KDM4C: variants seen among roughly 807,000 people sequenced by gnomAD.
The protein encoded by KDM4C is lysine-specific demethylase 4C.
Under a neutral mutation model 129.3 loss-of-function variants are expected in KDM4C, and 81 were observed. The observed-to-expected ratio is 0.63, with a 90% CI of 0.52 to 0.75. KDM4C has a LOEUF of 0.75. Ranked by LOEUF, KDM4C falls within the 30% of genes least tolerant of loss-of-function variation. KDM4C has a pLI of 0.00. For synonymous variants in KDM4C, 573 were observed against 456.1 expected (o/e 1.26, Z -3.26); for missense variants, 1,457 against 1,304.0 (o/e 1.12, Z -1.81).
Position 6,758,288 on chromosome 9 carries a change from C to CACGGGGGT in KDM4C, c.-18+86_-18+93dup, listed in dbSNP as rs1247467875. On this transcript the variant is annotated intron_variant, in intron 1 of 21. Coordinates refer to ENST00000381309, the MANE Select transcript of KDM4C (RefSeq NM_015061.6). This position sits in a 1 kb window ranked among gnomAD's most constrained non-coding sequence, Gnocchi z 4.6. ...CGGCACTGCCCCCCTCCGCGTGGGG[C>CACGGGGGT]ACGGGGGTGCGGGCGTCCGGGCGAG... 6.9e-4 allele frequency: 580 copies of CACGGGGGT among 836,656 alleles called. 4 individuals are homozygous for CACGGGGGT. In the African/African-American group the frequency reaches 0.01, roughly 15 times the overall value. The allele number at this position is 836,656 out of a possible 1,614,324, so 51.8% of individuals were successfully genotyped here.
chr9:7,077,562 A>G (rs1299081273), intron 17 of KDM4C, among the ~76,000 whole-genome samples: 2 of 152,204 alleles, frequency 1.3e-5, no homozygotes, highest in Non-Finnish European at 2.9e-5. Flanking sequence ...AGAGTTCAAT[A>G]ATTTGAGCTC....
At chr9:6,811,573 A>C (rs1831154301) in intron 3 of KDM4C, among the ~76,000 whole-genome samples, 1 of 152,110 alleles carries the variant, frequency 6.6e-6, no homozygotes, top group Admixed American at 6.6e-5. Context: ...TTCCGATATA[A>C]CTCTAATATA....
At chr9:6,769,408 G>A (rs1821310655) in intron 1 of KDM4C, among the ~76,000 whole-genome samples, 1 of 151,860 alleles carries the variant, frequency 6.6e-6, no homozygotes, top group South Asian at 2.1e-4. Context: ...TTATATTTGG[G>A]ATCTGGGTCC....
chr9:6,965,267 C>T (rs1233807741), intron 8 of KDM4C, among the ~76,000 whole-genome samples: 2 of 151,200 alleles, frequency 1.3e-5, no homozygotes, highest in South Asian at 2.1e-4. Context: ...AACCACATAT[C>T]AATTTTATGT....
At chr9:6,734,268 G>A (rs1817448401) in intron 1 of KDM4C, among the ~76,000 whole-genome samples, 1 of 143,470 alleles carries the variant, frequency 7.0e-6, no homozygotes, top group Non-Finnish European at 1.5e-5. Flanking sequence ...GGAGTGGAAA[G>A]TTATGTAAAC....
chr9:6,960,396 C>T (rs1260162245), intron 8 of KDM4C, among the ~76,000 whole-genome samples: 1 of 151,338 alleles, frequency 6.6e-6, no homozygotes. Flanking sequence ...CCTCTCTCCT[C>T]AGTCTCCTGA....
intron 5 of KDM4C, among the ~76,000 whole-genome samples, chr9:6,866,889 CTGTATATATATATACA>C (rs1842065133): frequency 7.7e-6 from 1 of 130,012 alleles, no homozygotes; most frequent in Non-Finnish European, 1.6e-5. Context: ...TGACTTGGTG[CTGTATATATATATACA>C]TATATATATA....
At chr9:7,041,081 A>G (rs761448222) in intron 15 of KDM4C, among the ~76,000 whole-genome samples, 3 of 150,558 alleles carry the variant, frequency 2.0e-5, no homozygotes, top group Admixed American at 6.6e-5. Context: ...TTGTCTTTCA[A>G]TTCTATACAT....
intron 7 of KDM4C, among the ~76,000 whole-genome samples, chr9:6,891,714 A>C (rs945689677): frequency 6.6e-6 from 1 of 152,192 alleles, no homozygotes; most frequent in Admixed American, 6.5e-5. Context: ...AAAAAACACT[A>C]TATGTATATA....
intron 8 of KDM4C, among the ~76,000 whole-genome samples, chr9:6,948,637 C>G (rs548862441): frequency 6.6e-6 from 1 of 151,264 alleles, no homozygotes; most frequent in Non-Finnish European, 1.5e-5. Flanking sequence ...TGCGGCCTTC[C>G]GCAGTGTTTG....
chr9:7,023,391 A>C (rs887872904), intron 15 of KDM4C, among the ~76,000 whole-genome samples: 1 of 152,028 alleles, frequency 6.6e-6, no homozygotes, highest in African/African-American at 2.4e-5. Context: ...CTAGGAATTT[A>C]CCCATTTGTT....
At chr9:7,097,046 A>G (rs912611187) in intron 17 of KDM4C, among the ~76,000 whole-genome samples, 2 of 151,908 alleles carry the variant, frequency 1.3e-5, no homozygotes, top group Non-Finnish European at 2.9e-5. Context: ...GAGCTTTATT[A>G]CTTCCATCTA....
chr9:6,856,635 C>T (rs1352142559), intron 5 of KDM4C, among the ~76,000 whole-genome samples: 5 of 149,532 alleles, frequency 3.3e-5, no homozygotes, highest in Non-Finnish European at 5.9e-5. Flanking sequence ...TGCGGTGTTG[C>T]GATGATGGCT....
At chr9:7,130,182 T>TG (rs1184975504) in intron 19 of KDM4C, among the ~76,000 whole-genome samples, 3 of 152,226 alleles carry the variant, frequency 2.0e-5, no homozygotes, top group African/African-American at 7.2e-5. Flanking sequence ...GAAGACCTTT[T>TG]GGTGAGGAAC....
At chr9:7,013,683 A>C in intron 13 of KDM4C, 105 bp from the exon 14 acceptor site, 1 of 1,061,158 alleles carries the variant, frequency 9.4e-7, no homozygotes, top group Non-Finnish European at 1.4e-6. Context: ...GGAAGAACAA[A>C]AGTTAGAAGT....
chr9:6,802,267 A>C (rs1196766446), intron 2 of KDM4C, among the ~76,000 whole-genome samples: 1 of 152,222 alleles, frequency 6.6e-6, no homozygotes, highest in Non-Finnish European at 1.5e-5. Context: ...GGTGATGATG[A>C]AGGTGTGGAG....
intron 13 of KDM4C, 93 bp downstream of exon 13, chr9:7,011,972 T>G: frequency 9.4e-7 from 1 of 1,059,512 alleles, no homozygotes; most frequent in South Asian, 1.6e-5. Context: ...TGGGCTTCCT[T>G]TGCACATAAG....
intron 8 of KDM4C, among the ~76,000 whole-genome samples, chr9:6,949,031 G>C (rs999120167): frequency 3.3e-5 from 5 of 152,192 alleles, no homozygotes; most frequent in Non-Finnish European, 7.4e-5. Flanking sequence ...GCCGGGCAGA[G>C]GGGCTCCTCA....
chr9:6,927,544 A>G (rs1822858826), intron 8 of KDM4C, among the ~76,000 whole-genome samples: 1 of 152,342 alleles, frequency 6.6e-6, no homozygotes, highest in Middle Eastern at 3.4e-3. Flanking sequence ...GTTAATTAGA[A>G]TATGAGATGT....
Sources: gnomAD v4.1 joint callset for allele counts (sites outside exome capture counted in the v4.1 genomes callset) on GRCh38, gnomAD v4.1.1 for gene constraint, Gnocchi (gnomAD v3.1) non-coding constraint, MANE v1.5 for transcripts, NCBI Gene and HGNC (gene_info 2026-07-23, HGNC 2026-07-21) for gene names.